Variants in UNC80 observed in about 807,000 individuals in gnomAD.
UNC80 encodes the protein protein unc-80 homolog.
In UNC80, 164 loss-of-function variants were observed where a neutral mutation model predicts 384.6. The observed-to-expected ratio is 0.43, with a 90% CI of 0.38 to 0.49. The LOEUF is 0.49. Ranked by LOEUF, UNC80 falls within the 20% of genes least tolerant of loss-of-function variation. UNC80 has a pLI of 0.00. For missense variants in UNC80, 3,330 were observed against 4,143.0 expected (o/e 0.80, Z 5.39); for synonymous variants, 1,486 against 1,527.8 (o/e 0.97, Z 0.64).
chr2:209,922,444 T>C (rs1575026596), intron 35 of UNC80, 61 bp downstream of exon 35: 4 of 1,498,092 alleles, frequency 2.7e-6, no homozygotes, highest in Non-Finnish European at 3.6e-6. Flanking sequence ...CACTTTCCAG[T>C]TAATATCATG....
chr2:209,967,298 G>A, intron 51 of UNC80, 139 bp from the exon 52 acceptor site: 1 of 498,644 alleles, frequency 2.0e-6, no homozygotes, highest in East Asian at 3.4e-5. Context: ...GAGGGATAGA[G>A]GATGTTGGGA....
At chr2:209,955,505 TC>T (rs1253724497) in intron 48 of UNC80, among the ~76,000 whole-genome samples, 2 of 151,572 alleles carry the variant, frequency 1.3e-5, no homozygotes, top group African/African-American at 2.4e-5. Flanking sequence ...ACAAATTATC[TC>T]TTCCAAGGAG....
intron 26 of UNC80, among the ~76,000 whole-genome samples, chr2:209,889,209 C>G (rs970357755): frequency 3.9e-5 from 6 of 152,122 alleles, no homozygotes; most frequent in African/African-American, 9.7e-5. Context: ...TATACTCAGC[C>G]TACAGGTTGC....
chr2:209,773,170 A>T, intron 2 of UNC80, 28 bp downstream of exon 2: 1 of 1,599,194 alleles, frequency 6.3e-7, no homozygotes, highest in Non-Finnish European at 8.6e-7. Flanking sequence ...TTTAATAATT[A>T]TTTCCCTATT....
At chr2:209,940,195 A>G (rs2124977512) in intron 43 of UNC80, among the ~76,000 whole-genome samples, 1 of 152,290 alleles carries the variant, frequency 6.6e-6, no homozygotes, top group South Asian at 2.1e-4. Flanking sequence ...GTTCAAAAAG[A>G]GGCAAAATTC....
rs2081667363 is a variant in UNC80, at chr2:209,840,654, C to G, written c.3357+6C>G. Reference sequence around the variant, plus strand: ...TCATCAGGCAAAGCTCCAAGGTAAACAGGACATAACTTGTGTAAGTGACTG... The same window carrying G: ...TCATCAGGCAAAGCTCCAAGGTAAAGAGGACATAACTTGTGTAAGTGACTG... On this transcript the variant is annotated splice_donor_region_variant and intron_variant, in intron 20 of 64. Coordinates refer to ENST00000673920, the MANE Select transcript of UNC80 (RefSeq NM_001371986.1). 6.5e-7 allele frequency: 1 copy of G among 1,550,248 alleles called. No homozygotes were observed. Among genetic ancestry groups the G allele is most frequent in the African/African-American group, 1.4e-5 (1 of 73,086 alleles).
Position 209,957,732 on chromosome 2 carries a change from A to G in UNC80, c.7546A>G (p.Thr2516Ala), listed in dbSNP as rs1015683191. Reference protein sequence around the residue: ...ANHTMSSGVNTRYQEQGAKLH... With the variant: ...ANHTMSSGVNARYQEQGAKLH... The stretch of plus-strand genomic sequence containing the variant: ...TCACACCATGTCGTCTGGGGTGAAC[A>G]CCAGGTAATTCACTGCGCCTTATTC... Residue 2516 changes from threonine (T) to alanine (A), a missense_variant, in exon 49 of 65, where the codon ACC (threonine) becomes GCC (alanine). By Grantham distance (58) the Thr-to-Ala change is moderately conservative. Around this residue, in one of 8 missense-constraint regions of UNC80, gnomAD observed 1,049 missense variants for 1,488.6 expected, o/e 0.70. Transcript: ENST00000673920. The G allele has an allele frequency of 6.4e-7, 1 of 1,551,420 alleles. No individual in the cohort carries two copies. Among genetic ancestry groups the G allele is most frequent in the Non-Finnish European group, 8.7e-7 (1 of 1,146,792 alleles).
In UNC80 at chr2:209,912,596, A is replaced by C; in HGVS notation, c.4819A>C (p.Lys1607Gln). 6.4e-7 allele frequency: 1 copy of C among 1,551,540 alleles called. No homozygotes were observed. The highest frequency in any genetic ancestry group is 8.7e-7 in the Non-Finnish European group (1 of 1,146,844). Residue 1607 changes from lysine to glutamine, a missense_variant, in exon 30 of 65, where the codon AAG (lysine) becomes CAG (glutamine). Around this residue, in one of 8 missense-constraint regions of UNC80, gnomAD observed 801 missense variants for 950.8 expected, o/e 0.84. Coordinates refer to ENST00000673920, the MANE Select transcript of UNC80 (RefSeq NM_001371986.1). Reference protein sequence around the residue: ...DKSCLRTPSLKKRVSDANLEG... With the variant: ...DKSCLRTPSLQKRVSDANLEG... Reference sequence around the variant, plus strand: ...GTCATGCCTGAGGACACCTTCTCTAAAGAAGAGAGTTTCAGATGCCAATCT... The same window carrying C: ...GTCATGCCTGAGGACACCTTCTCTACAGAAGAGAGTTTCAGATGCCAATCT...
intron 60 of UNC80, chr2:209,983,002 G>C (rs1395087086): frequency 6.6e-6 from 1 of 151,352 alleles, no homozygotes; most frequent in Non-Finnish European, 1.5e-5. Context: ...GATCTCACAT[G>C]AGTCAAAACA....
chr2:209,950,692 G>C (rs920158503), intron 47 of UNC80, among the ~76,000 whole-genome samples: 4 of 151,806 alleles, frequency 2.6e-5, no homozygotes, highest in Admixed American at 6.6e-5. Context: ...CCGAGTAGCT[G>C]GGATTACAGG....
rs549322070 is a variant in UNC80, at chr2:209,838,832, A to G, written c.3042-390A>G. Reference sequence around the variant, plus strand: ...AAAAATTAGCCGGGTGTGGTGGCATACGCCTGTAGTCCCAGCTACTCCGGA... The same window carrying G: ...AAAAATTAGCCGGGTGTGGTGGCATGCGCCTGTAGTCCCAGCTACTCCGGA... On this transcript the variant is annotated intron_variant, in intron 18 of 64. Coordinates refer to ENST00000673920, the MANE Select transcript of UNC80 (RefSeq NM_001371986.1). Among the ~76,000 whole-genome samples the G allele has an allele frequency of 2.0e-3, 302 of 152,170 alleles. 1 individual carries two copies. Among genetic ancestry groups the G allele is most frequent in the Non-Finnish European group, 2.2e-3 (150 of 68,004 alleles).
At chr2:209,833,178 T>C (rs1306479898) in intron 16 of UNC80, among the ~76,000 whole-genome samples, 1 of 150,676 alleles carries the variant, frequency 6.6e-6, no homozygotes, top group Non-Finnish European at 1.5e-5. Flanking sequence ...ATTATGGACA[T>C]AATTGTCCCA....
intron 38 of UNC80, among the ~76,000 whole-genome samples, chr2:209,932,741 C>T (rs1159066047): frequency 6.6e-6 from 1 of 152,168 alleles, no homozygotes; most frequent in Non-Finnish European, 1.5e-5. Flanking sequence ...AACCCATCAT[C>T]CCAGAGATTA....
At chr2:209,905,091 A>T in intron 29 of UNC80, 126 bp downstream of exon 29, 1 of 949,412 alleles carries the variant, frequency 1.1e-6, no homozygotes, top group East Asian at 2.6e-5. Context: ...GCATCTAAAC[A>T]TAAGCAGAAG....
chr2:209,930,172 A>G (rs1194509432), intron 37 of UNC80, among the ~76,000 whole-genome samples: 1 of 152,030 alleles, frequency 6.6e-6, no homozygotes, highest in Non-Finnish European at 1.5e-5. Context: ...ATGTTTCTAT[A>G]TATATATATA....
At chr2:209,934,155 A>G in intron 39 of UNC80, 150 bp downstream of exon 39, 1 of 746,498 alleles carries the variant, frequency 1.3e-6, no homozygotes, top group Non-Finnish European at 2.1e-6. Flanking sequence ...GTTTAATATA[A>G]TCAGAGGAAA....
chr2:209,817,149 A>C (rs1210981745), intron 10 of UNC80, 24 bp downstream of exon 10: 2 of 1,546,988 alleles, frequency 1.3e-6, no homozygotes, highest in Admixed American at 3.9e-5. Flanking sequence ...CTTCCAAAAT[A>C]GGGCAGAGTT....
At chr2:209,918,982 T>C (rs1185212486) in intron 33 of UNC80, among the ~76,000 whole-genome samples, 4 of 151,976 alleles carry the variant, frequency 2.6e-5, no homozygotes, top group Non-Finnish European at 5.9e-5. Context: ...ATTTAACCAA[T>C]AATACACAAG....
At chr2:209,940,329 G>A (rs903504191) in intron 43 of UNC80, among the ~76,000 whole-genome samples, 2 of 152,100 alleles carry the variant, frequency 1.3e-5, no homozygotes, top group Non-Finnish European at 2.9e-5. Context: ...CTACATGAGT[G>A]CATAGTGCAT....
Sources: gnomAD v4.1 joint callset for allele counts (sites outside exome capture counted in the v4.1 genomes callset) on GRCh38, gnomAD v4.1.1 for gene constraint, gnomAD v4.1.1 regional missense constraint, MANE v1.5 for transcripts, NCBI Gene and HGNC (gene_info 2026-07-23, HGNC 2026-07-21) for gene names.